FLI1: variants seen among roughly 807,000 people sequenced by gnomAD.
FLI1 encodes the protein Friend leukemia integration 1 transcription factor.
In FLI1, 13 loss-of-function variants were observed where a neutral mutation model predicts 53.1. The ratio of observed to expected loss-of-function variants is 0.24; its 90% confidence interval spans 0.16 to 0.39. The LOEUF (loss-of-function observed/expected upper bound fraction) is 0.39, where lower values mean the gene tolerates loss of function less well. Among genes scored for constraint, FLI1 ranks in the 10% least tolerant of loss-of-function variants. FLI1 has a pLI of 1.00. For synonymous variants in FLI1, 244 were observed against 236.7 expected, an observed-to-expected ratio of 1.03 and a Z score of -0.28; for missense variants, 424 against 600.5, an observed-to-expected ratio of 0.71 and a Z score of 3.07.
intron 4 of FLI1, among the ~76,000 whole-genome samples, chr11:128,773,988 A>G (rs1022754633): frequency 1.3e-5 from 2 of 152,112 alleles, no homozygotes; most frequent in African/African-American, 4.8e-5. Context: ...CAGGGGCTTG[A>G]TGATTTTAAG....
chr11:128,747,692 G>C (rs762279076), intron 1 of FLI1, among the ~76,000 whole-genome samples: 5 of 152,206 alleles, frequency 3.3e-5, no homozygotes, highest in Non-Finnish European at 7.3e-5. Context: ...TCTGAGAGGA[G>C]CTTCGTCCCG....
chr11:128,773,011 C>T (rs777550508), intron 4 of FLI1, 26 bp downstream of exon 4: 2 of 1,605,282 alleles, frequency 1.2e-6, no homozygotes, highest in Non-Finnish European at 1.7e-6. Flanking sequence ...GTACCCAGGG[C>T]TGGGAGGAAG....
chr11:128,742,180 T>C (rs1162876614), intron 1 of FLI1, among the ~76,000 whole-genome samples: 1 of 152,222 alleles, frequency 6.6e-6, no homozygotes, highest in African/African-American at 2.4e-5. Context: ...TTCACCCATT[T>C]AGCTCACTGT....
In FLI1 at chr11:128,812,007, G is replaced by T. The variant is rs988869778; in HGVS notation, c.*1019G>T. 2 of 203,712 alleles carry T rather than the reference G, an allele frequency of 9.8e-6. No individual in the cohort carries two copies. The highest frequency in any genetic ancestry group is 2.0e-5 in the Non-Finnish European group (2 of 99,628). The allele number at this position is 203,712 out of a possible 1,614,324, so 12.6% of individuals were successfully genotyped here. A position where few individuals can be genotyped will look rare whatever the true frequency, so the allele number is the denominator to read the frequency against. On this transcript the variant is annotated 3_prime_UTR_variant, in exon 9 of 9. Coordinates refer to ENST00000527786, the MANE Select transcript of FLI1 (RefSeq NM_002017.5). Reference sequence around the variant, plus strand: ...ATCTTTTTTCAATCTGTACATTTGGGCTGTCTGTATGTTTTTATAGCTGGT... The same window carrying T: ...ATCTTTTTTCAATCTGTACATTTGGTCTGTCTGTATGTTTTTATAGCTGGT...
At chr11:128,707,724 C>A (rs1468957517) in intron 1 of FLI1, among the ~76,000 whole-genome samples, 1 of 152,144 alleles carries the variant, frequency 6.6e-6, no homozygotes, top group Admixed American at 6.5e-5. Flanking sequence ...GTTTAGAGCT[C>A]ATCAGAATTA....
chr11:128,799,049 A>T (rs200837813), intron 5 of FLI1, among the ~76,000 whole-genome samples: 65,672 of 135,868 alleles, frequency 0.48, 16,303 homozygotes, highest in African/African-American at 0.6. Flanking sequence ...TATTATTATT[A>T]TTATTTTGCT....
intron 4 of FLI1, among the ~76,000 whole-genome samples, chr11:128,777,652 T>C (rs1426892956): frequency 1.3e-5 from 2 of 152,132 alleles, no homozygotes; most frequent in African/African-American, 4.8e-5. Flanking sequence ...TCAGCCAGGA[T>C]TGTTGTTTAA....
intron 1 of FLI1, among the ~76,000 whole-genome samples, chr11:128,752,724 C>T: frequency 6.6e-6 from 1 of 152,224 alleles, no homozygotes; most frequent in East Asian, 1.9e-4. Flanking sequence ...ATACATCCCT[C>T]ATAGAATTGC....
intron 1 of FLI1, among the ~76,000 whole-genome samples, chr11:128,688,589 G>C (rs1937626133): frequency 6.6e-6 from 1 of 151,622 alleles, no homozygotes; most frequent in African/African-American, 2.4e-5. Flanking sequence ...CCCCATGAGG[G>C]AGGAGCCCAG....
At chr11:128,687,614 G>T (rs1240367164) in intron 1 of FLI1, among the ~76,000 whole-genome samples, 1 of 152,190 alleles carries the variant, frequency 6.6e-6, no homozygotes, top group Admixed American at 6.5e-5. Flanking sequence ...AGACCGGTCA[G>T]TGAGGCCCAG....
chr11:128,755,427 T>C (rs1037778333), intron 1 of FLI1, among the ~76,000 whole-genome samples: 2 of 152,254 alleles, frequency 1.3e-5, no homozygotes, highest in African/African-American at 4.8e-5. Flanking sequence ...TGTTCTTCAC[T>C]CTTATCACCA....
chr11:128,773,902 G>A (rs1399814687), intron 4 of FLI1, among the ~76,000 whole-genome samples: 1 of 152,018 alleles, frequency 6.6e-6, no homozygotes, highest in African/African-American at 2.4e-5. Context: ...CCTGTGCAAA[G>A]ACAGGGCAGC....
Position 128,725,186 on chromosome 11 carries a change from G to A in FLI1, c.18+30910G>A, listed in dbSNP as rs544840016. 1.1e-4 allele frequency among the ~76,000 whole-genome samples: 17 copies of A among 152,258 alleles called. No homozygotes were observed. The South Asian group carries it at 1.4e-3, about 13-fold the overall frequency. On this transcript the variant is annotated intron_variant, in intron 1 of 8. Coordinates refer to ENST00000527786, the MANE Select transcript of FLI1 (RefSeq NM_002017.5). ...TTTGGGCTCTTCTAGCCTCAAGTCT[G>A]TGTTCAGCTAAAGATATATGGCTGC...
intron 1 of FLI1, among the ~76,000 whole-genome samples, chr11:128,714,795 G>A (rs565022693): frequency 1.4e-4 from 19 of 137,470 alleles, no homozygotes; most frequent in African/African-American, 4.7e-4. Flanking sequence ...AGCAACCTCC[G>A]CCTCCCAGGT....
chr11:128,779,418 G>T (rs546627291), intron 4 of FLI1, among the ~76,000 whole-genome samples: 10 of 152,254 alleles, frequency 6.6e-5, no homozygotes, highest in African/African-American at 2.4e-4. Flanking sequence ...AGTCGTGCCG[G>T]ATTATTTCTT....
intron 8 of FLI1, among the ~76,000 whole-genome samples, 184 bp downstream of exon 8, chr11:128,809,388 C>CA (rs1942877458): frequency 6.6e-6 from 1 of 152,186 alleles, no homozygotes; most frequent in Non-Finnish European, 1.5e-5. Context: ...TATGAGGTGT[C>CA]AAGGTTGGTT....
chr11:128,807,501 G>A (rs1942815111), intron 7 of FLI1, among the ~76,000 whole-genome samples: 1 of 152,152 alleles, frequency 6.6e-6, no homozygotes, highest in Admixed American at 6.5e-5. Flanking sequence ...AGAAACTGAG[G>A]CCCGGGGAGG....
At chr11:128,716,639 G>A (rs1484320130) in intron 1 of FLI1, among the ~76,000 whole-genome samples, 4 of 152,240 alleles carry the variant, frequency 2.6e-5, no homozygotes, top group Middle Eastern at 3.4e-3. Context: ...CATCAGAGCC[G>A]CTGCTCTGCT....
intron 1 of FLI1, among the ~76,000 whole-genome samples, chr11:128,727,228 A>G (rs1939521792): frequency 6.6e-6 from 1 of 152,244 alleles, no homozygotes; most frequent in Non-Finnish European, 1.5e-5. Flanking sequence ...TTCCTGAACT[A>G]TAAAATGAGG....
Sources: allele counts gnomAD v4.1 joint callset (sites outside exome capture counted in the v4.1 genomes callset), GRCh38; gene constraint gnomAD v4.1.1; transcripts MANE v1.5; gene names NCBI Gene and HGNC (gene_info 2026-07-23, HGNC 2026-07-21).